HECW2: variants seen among roughly 807,000 people sequenced by gnomAD.
HECW2 encodes the protein E3 ubiquitin-protein ligase HECW2.
In HECW2, 61 loss-of-function variants were observed where a neutral mutation model predicts 175.2. That is an observed-to-expected ratio of 0.35 (90% CI 0.28 to 0.43). The LOEUF is 0.43. Ranked by LOEUF, HECW2 falls within the 20% of genes least tolerant of loss-of-function variation. HECW2 has a pLI of 1.00. For synonymous variants in HECW2, 671 were observed against 731.0 expected (o/e 0.92, Z 1.32); for missense variants, 1,524 against 2,000.5 (o/e 0.76, Z 4.54).
At chr2:196,472,459 G>A (rs1357356671) in intron 1 of HECW2, among the ~76,000 whole-genome samples, 1 of 136,350 alleles carries the variant, frequency 7.3e-6, no homozygotes, top group African/African-American at 2.9e-5. Flanking sequence ...CTGCACTCCA[G>A]CCTGGGTGAC....
chr2:196,394,207 G>A (rs961522832), intron 2 of HECW2, among the ~76,000 whole-genome samples: 2 of 152,022 alleles, frequency 1.3e-5, no homozygotes, highest in African/African-American at 4.8e-5. Flanking sequence ...TGTAAATGAC[G>A]AGTTAATGGG....
intron 1 of HECW2, among the ~76,000 whole-genome samples, chr2:196,436,334 G>A (rs543870908): frequency 6.6e-6 from 1 of 151,464 alleles, no homozygotes; most frequent in Non-Finnish European, 1.5e-5. Flanking sequence ...CCAGGAGGCG[G>A]AGCTTGCAGT....
intron 10 of HECW2, among the ~76,000 whole-genome samples, chr2:196,310,789 T>TGTGTGTGTG (rs1559030489): frequency 1.3e-5 from 2 of 151,436 alleles, no homozygotes; most frequent in African/African-American, 2.4e-5. Context: ...TGTGTGTGTG[T>TGTGTGTGTG]TTTGCACTGA....
chr2:196,220,731 T>C, intron 25 of HECW2, 64 bp downstream of exon 25: 1 of 1,514,172 alleles, frequency 6.6e-7, no homozygotes. Flanking sequence ...TAAAGTACAA[T>C]AAGATGGACT....
At chr2:196,472,784 G>T (rs1301898553) in intron 1 of HECW2, among the ~76,000 whole-genome samples, 1 of 151,970 alleles carries the variant, frequency 6.6e-6, no homozygotes, top group Non-Finnish European at 1.5e-5. Flanking sequence ...ACCACATCCA[G>T]CTAATTTTGT....
chr2:196,453,085 G>A (rs76465645), intron 1 of HECW2, among the ~76,000 whole-genome samples: 8,549 of 152,200 alleles, frequency 0.056, 258 homozygotes, highest in Middle Eastern at 0.078. Flanking sequence ...CAAGACCTTT[G>A]TATTTGTTCT....
intron 13 of HECW2, among the ~76,000 whole-genome samples, chr2:196,295,408 A>T (rs973394756): frequency 1.3e-5 from 2 of 148,474 alleles, no homozygotes; most frequent in Admixed American, 1.3e-4. Context: ...AGTGTTGCTG[A>T]TATATTTTCA....
chr2:196,311,647 T>C (rs563753535), intron 10 of HECW2, among the ~76,000 whole-genome samples: 41 of 151,904 alleles, frequency 2.7e-4, no homozygotes, highest in African/African-American at 8.9e-4. Flanking sequence ...AAATACAAAA[T>C]TCAGCCAGGG....
chr2:196,526,832 A>T lies in HECW2; in HGVS notation c.-36+66676T>A, dbSNP rs539164596. On this transcript the variant is annotated intron_variant, in intron 1 of 28. Transcript: ENST00000644978. ...GACCCACTTGAGGAGGCAGTCTGCCAGTTCTCAGATCTCCAGCTGCGTGCT... is the reference window on the plus strand; with the variant it reads ...GACCCACTTGAGGAGGCAGTCTGCCTGTTCTCAGATCTCCAGCTGCGTGCT... Among the ~76,000 whole-genome samples, 1,018 of 151,772 alleles carry T rather than the reference A, an allele frequency of 6.7e-3. 19 individuals carry two copies. Among genetic ancestry groups the T allele is most frequent in the African/African-American group, 0.024 (976 of 41,206 alleles).
At chr2:196,590,879 C>T (rs1254041380) in intron 1 of HECW2, among the ~76,000 whole-genome samples, 1 of 152,200 alleles carries the variant, frequency 6.6e-6, no homozygotes, top group African/African-American at 2.4e-5. Context: ...TGAAACAGAA[C>T]CAGTGCTTAC....
chr2:196,235,082 C>T (rs1301917889), intron 21 of HECW2, among the ~76,000 whole-genome samples: 1 of 149,288 alleles, frequency 6.7e-6, no homozygotes, highest in Admixed American at 6.9e-5. Flanking sequence ...TATTTATAGA[C>T]TCTAGGATTA....
Position 196,292,568 on chromosome 2 carries a change from G to T in HECW2, c.2997C>A (p.Gly999=). 1 of 1,612,544 alleles carries T rather than the reference G, an allele frequency of 6.2e-7. No homozygotes were observed. The highest frequency in any genetic ancestry group is 1.1e-5 in the South Asian group (1 of 90,990). ...RGWEMKHDHQ[G]KAFFVDHNSR... ...TGAGGCATCTCCCTCGTGTTACCTT[G>T]CCCTGGTGATCATGTTTCATTTCCC... Residue 999 remains glycine, a synonymous_variant, in exon 14 of 29, where the codon GGC becomes GGA. Transcript: ENST00000644978.
chr2:196,500,545 T>TAACAAAGAACAAAGAAC (rs139906878), intron 1 of HECW2, among the ~76,000 whole-genome samples: 1,872 of 152,292 alleles, frequency 0.012, 28 homozygotes, highest in East Asian at 0.094. Context: ...CAAAGAACAA[T>TAACAAAGAACAAAGAAC]AAAATTCCAA....
intron 1 of HECW2, among the ~76,000 whole-genome samples, chr2:196,585,183 G>C (rs1221065176): frequency 6.6e-6 from 1 of 152,046 alleles, no homozygotes; most frequent in Non-Finnish European, 1.5e-5. Flanking sequence ...GCCTTGTTTT[G>C]CAATTATATA....
intron 1 of HECW2, among the ~76,000 whole-genome samples, chr2:196,568,589 T>C (rs7598528): frequency 0.041 from 6,209 of 152,246 alleles, 414 homozygotes; most frequent in African/African-American, 0.14. Flanking sequence ...AGCTTTACAA[T>C]GGTGTGAAAG....
At chr2:196,205,039 C>T (rs1412993124) in intron 28 of HECW2, among the ~76,000 whole-genome samples, 2 of 152,198 alleles carry the variant, frequency 1.3e-5, no homozygotes, top group East Asian at 1.9e-4. Context: ...CCTCTGCAGT[C>T]GTAAGACATA....
rs1243029206 is a variant in HECW2 at position 196,524,739 on chromosome 2, G to A, written c.-36+68769C>T. Among the ~76,000 whole-genome samples the A allele has an allele frequency of 4.1e-5, 5 of 122,014 alleles. 1 individual carries two copies. The highest frequency in any genetic ancestry group is 2.5e-4 in the South Asian group (1 of 3,960). 80.0% of individuals were successfully genotyped at this position (122,014 alleles called of 152,430 possible). A position where few individuals can be genotyped will look rare whatever the true frequency, so the allele number is the denominator to read the frequency against. ...CTGCCTTCATTTTGTTATGTACCCC[G>A]TAGTCATTCAGGAGCAGGTTGTTCA... On this transcript the variant is annotated intron_variant, in intron 1 of 28. Coordinates refer to ENST00000644978, the MANE Select transcript of HECW2 (RefSeq NM_001348768.2).
intron 1 of HECW2, among the ~76,000 whole-genome samples, chr2:196,451,143 A>G (rs1297666274): frequency 1.3e-5 from 2 of 152,230 alleles, no homozygotes; most frequent in East Asian, 3.9e-4. Flanking sequence ...AAGCTTAAGA[A>G]ATATGGGGTA....
chr2:196,519,959 T>G (rs1215603185), intron 1 of HECW2, among the ~76,000 whole-genome samples: 19 of 152,146 alleles, frequency 1.2e-4, no homozygotes, highest in Admixed American at 1.2e-3. Context: ...CTGCAGATAT[T>G]AGAGATAAGT....
Sources: allele counts gnomAD v4.1 joint callset (sites outside exome capture counted in the v4.1 genomes callset), GRCh38; gene constraint gnomAD v4.1.1; transcripts MANE v1.5; gene names NCBI Gene and HGNC (gene_info 2026-07-23, HGNC 2026-07-21).